Variants in FARS2 observed in about 807,000 individuals in gnomAD.
FARS2 encodes phenylalanine--tRNA ligase, mitochondrial.
In FARS2, 40 loss-of-function variants were observed where a neutral mutation model predicts 46.4. That is an observed-to-expected ratio of 0.86 (90% CI 0.67 to 1.12). The LOEUF is 1.12. Ranked by LOEUF, FARS2 falls within the 50% of genes most tolerant of loss-of-function variation. The pLI is 0.00. For synonymous variants in FARS2, 234 were observed against 214.9 expected (o/e 1.09, Z -0.78); for missense variants, 513 against 567.9 (o/e 0.90, Z 0.98).
chr6:5,490,343 A>G (rs1480250834), intron 4 of FARS2, among the ~76,000 whole-genome samples: 1 of 152,214 alleles, frequency 6.6e-6, no homozygotes, highest in Non-Finnish European at 1.5e-5. Context: ...TTGTGTATTA[A>G]TGCTGCTGTG....
At chr6:5,737,308 G>A (rs1761016102) in intron 6 of FARS2, among the ~76,000 whole-genome samples, 1 of 152,200 alleles carries the variant, frequency 6.6e-6, no homozygotes, top group Non-Finnish European at 1.5e-5. Context: ...CAAGGTGGGT[G>A]GATCACGAGG....
rs140427557 is a variant in FARS2, at chr6:5,560,456, A to G, written c.1065+15116A>G. On this transcript the variant is annotated intron_variant, in intron 5 of 6. Transcript: ENST00000274680. Reference sequence around the variant, plus strand: ...ATATTACCATTTTATATACTTGTAGATTTTGTTTGTTAATATTTCTTTAGG... The same window carrying G: ...ATATTACCATTTTATATACTTGTAGGTTTTGTTTGTTAATATTTCTTTAGG... 7.3e-3 allele frequency among the ~76,000 whole-genome samples: 1,109 copies of G among 152,052 alleles called. 17 individuals are homozygous for G. The highest frequency in any genetic ancestry group is 0.026 in the African/African-American group (1,068 of 41,440).
intron 4 of FARS2, among the ~76,000 whole-genome samples, chr6:5,496,293 G>C (rs914563549): frequency 6.6e-6 from 1 of 152,104 alleles, no homozygotes; most frequent in Non-Finnish European, 1.5e-5. Flanking sequence ...CTCTAGTGTT[G>C]ATACTATAGG....
chr6:5,501,327 C>A lies in FARS2; in HGVS notation c.905-43853C>A, dbSNP rs75921444. On this transcript the variant is annotated intron_variant, in intron 4 of 6. Coordinates refer to ENST00000274680, the MANE Select transcript of FARS2 (RefSeq NM_006567.5). The stretch of plus-strand genomic sequence containing the variant: ...CCTGTAAAGCTCTTGGCATATGCTT[C>A]ATGGTAAGTTCTCAACTCTTAGCTG... Among the ~76,000 whole-genome samples, 888 of 152,188 alleles carry A rather than the reference C, an allele frequency of 5.8e-3. 5 individuals carry two copies. The highest frequency in any genetic ancestry group is 8.6e-3 in the Non-Finnish European group (584 of 68,018).
At chr6:5,285,749 T>A (rs1215521302) in intron 1 of FARS2, among the ~76,000 whole-genome samples, 1 of 152,222 alleles carries the variant, frequency 6.6e-6, no homozygotes, top group Non-Finnish European at 1.5e-5. Context: ...GTCTCAGTGA[T>A]GTTATCTCTG....
chr6:5,667,974 T>C (rs910214631), intron 6 of FARS2: 2 of 152,256 alleles, frequency 1.3e-5, no homozygotes, highest in African/African-American at 4.8e-5. Flanking sequence ...TTTCCTGAGC[T>C]GCTGAGCTTT....
chr6:5,746,933 G>C (rs1487500228), intron 6 of FARS2, among the ~76,000 whole-genome samples: 1 of 152,194 alleles, frequency 6.6e-6, no homozygotes, highest in Non-Finnish European at 1.5e-5. Flanking sequence ...ATTATGATGG[G>C]AGAGCGTGTG....
At chr6:5,624,893 T>C (rs1480913695) in intron 6 of FARS2, among the ~76,000 whole-genome samples, 2 of 151,592 alleles carry the variant, frequency 1.3e-5, no homozygotes, top group African/African-American at 4.9e-5. Context: ...TTTAAACTTG[T>C]GCCCTCCGTT....
At chr6:5,686,483 A>C (rs1052546805) in intron 6 of FARS2, among the ~76,000 whole-genome samples, 8 of 152,218 alleles carry the variant, frequency 5.3e-5, no homozygotes, top group South Asian at 2.1e-4. Context: ...ATAGTTTGCT[A>C]AGAATGATGG....
At chr6:5,392,735 T>TATACAC (rs929970078) in intron 2 of FARS2, among the ~76,000 whole-genome samples, 1 of 142,348 alleles carries the variant, frequency 7.0e-6, no homozygotes, top group Admixed American at 7.2e-5. Flanking sequence ...TATATATATA[T>TATACAC]ACACACACAC....
intron 1 of FARS2, among the ~76,000 whole-genome samples, chr6:5,353,938 T>A (rs1757749819): frequency 7.1e-6 from 1 of 141,300 alleles, no homozygotes; most frequent in Non-Finnish European, 1.6e-5. Flanking sequence ...TCCTGTTTGC[T>A]GCTTTTTTTT....
chr6:5,456,269 C>G (rs967052315), intron 4 of FARS2, among the ~76,000 whole-genome samples: 2 of 152,078 alleles, frequency 1.3e-5, no homozygotes, highest in African/African-American at 2.4e-5. Flanking sequence ...CTACTATGTG[C>G]CAGGTACTCT....
At chr6:5,736,879 T>C (rs2150945561) in intron 6 of FARS2, among the ~76,000 whole-genome samples, 1 of 152,260 alleles carries the variant, frequency 6.6e-6, no homozygotes, top group East Asian at 1.9e-4. Flanking sequence ...GCTGCTGTAA[T>C]GTGGAATAAC....
At chr6:5,601,550 AAG>A (rs1774520315) in intron 5 of FARS2, among the ~76,000 whole-genome samples, 2 of 132,386 alleles carry the variant, frequency 1.5e-5, no homozygotes, top group African/African-American at 5.6e-5. Context: ...AAAAAAAAAA[AAG>A]ACGAGAGTGG....
At chr6:5,295,386 A>T (rs1767784881) in intron 1 of FARS2, among the ~76,000 whole-genome samples, 1 of 150,316 alleles carries the variant, frequency 6.7e-6, no homozygotes, top group South Asian at 2.1e-4. Flanking sequence ...TGTTATTCTA[A>T]TTTTTTTTTT....
chr6:5,761,342 A>G (rs140906104), intron 6 of FARS2, among the ~76,000 whole-genome samples: 79 of 152,276 alleles, frequency 5.2e-4, no homozygotes, highest in African/African-American at 1.9e-3. Context: ...CCCTCACACT[A>G]CCACTGTGTC....
rs182376915 is a variant in FARS2 at position 5,762,980 on chromosome 6, C to T, written c.1218-8311C>T. 2.7e-4 allele frequency among the ~76,000 whole-genome samples: 41 copies of T among 152,292 alleles called. No individual in the cohort carries two copies. In the East Asian group the frequency reaches 5.6e-3, roughly 21 times the overall value. ...ACGAGGAGGAGAACCTCCTCTCCTC[C>T]TCTGGGGAGTGCGTGTATGGTATTT... On this transcript the variant is annotated intron_variant, in intron 6 of 6. Coordinates refer to ENST00000274680, the MANE Select transcript of FARS2 (RefSeq NM_006567.5).
chr6:5,362,366 A>T (rs951895566), intron 1 of FARS2, among the ~76,000 whole-genome samples: 4 of 152,190 alleles, frequency 2.6e-5, no homozygotes, highest in African/African-American at 9.7e-5. Context: ...TCAGAGAGAG[A>T]GCGAGAGTTC....
intron 5 of FARS2, among the ~76,000 whole-genome samples, chr6:5,601,939 A>C (rs2150636392): frequency 6.6e-6 from 1 of 152,326 alleles, no homozygotes; most frequent in African/African-American, 2.4e-5. Context: ...AGCTGACTCA[A>C]AGTCACCTTG....
Sources: allele counts gnomAD v4.1 joint callset (sites outside exome capture counted in the v4.1 genomes callset), GRCh38; gene constraint gnomAD v4.1.1; transcripts MANE v1.5; gene names NCBI Gene and HGNC (gene_info 2026-07-23, HGNC 2026-07-21).